The following NRXN1 variants were observed in gnomAD, a reference collection of about 807,000 sequenced individuals.
NRXN1 encodes the protein neurexin 1.
In NRXN1, 39 loss-of-function variants were observed where a neutral mutation model predicts 150.9. The observed-to-expected ratio is 0.26, with a 90% CI of 0.20 to 0.34. NRXN1 has a LOEUF of 0.34. Ranked by LOEUF, NRXN1 falls within the 10% of genes least tolerant of loss-of-function variation. The pLI, the probability that NRXN1 is intolerant of heterozygous loss-of-function variation, is 1.00. For synonymous variants in NRXN1, 924 were observed against 757.0 expected (o/e 1.22, Z -3.62); for missense variants, 1,815 against 1,949.9 (o/e 0.93, Z 1.30).
chr2:51,027,962 C>G lies in NRXN1; in HGVS notation c.312G>C (p.Leu104=). The G allele has an allele frequency of 6.2e-7, 1 of 1,602,476 alleles. No homozygotes were observed. The highest frequency in any genetic ancestry group is 8.5e-7 in the Non-Finnish European group (1 of 1,179,490). ...CGCCGTCGTTAACCGGCGTGTCGGC[C>G]AGGAGCGTCGCAGGCTCAGCGCAGA... The part of the protein sequence containing the change: ...SIFCAEPATL[L]ADTPVNDGAW... The change falls in exon 2 of 23, where the codon CTG becomes CTC. Residue 104 remains leucine (L), a synonymous_variant. Coordinates refer to ENST00000401669, the MANE Select transcript of NRXN1 (RefSeq NM_001330078.2).
chr2:50,197,814 C>T (rs989018521), intron 18 of NRXN1, among the ~76,000 whole-genome samples: 1 of 152,130 alleles, frequency 6.6e-6, no homozygotes, highest in Non-Finnish European at 1.5e-5. Context: ...TTGACACCTA[C>T]CAAAACCCTC....
chr2:50,266,574 T>C (rs61011011), intron 17 of NRXN1, among the ~76,000 whole-genome samples: 19 of 48,132 alleles, frequency 3.9e-4, no homozygotes, highest in Admixed American at 8.5e-4. Flanking sequence ...CACACACACA[T>C]ATTTTCTTTC....
At chr2:50,710,736 C>T (rs1397994359) in intron 5 of NRXN1, among the ~76,000 whole-genome samples, 1 of 152,134 alleles carries the variant, frequency 6.6e-6, no homozygotes, top group Non-Finnish European at 1.5e-5. Context: ...GCACACAGGG[C>T]AGAGCTGATA....
intron 8 of NRXN1, among the ~76,000 whole-genome samples, chr2:50,606,290 T>C (rs1481235986): frequency 7.0e-6 from 1 of 143,502 alleles, no homozygotes; most frequent in Non-Finnish European, 1.5e-5. Flanking sequence ...TCCTGCAATA[T>C]ATGTCAACAA....
At chr2:50,953,230 C>G (rs1457996436) in intron 2 of NRXN1, among the ~76,000 whole-genome samples, 2 of 152,144 alleles carry the variant, frequency 1.3e-5, no homozygotes, top group African/African-American at 2.4e-5. Flanking sequence ...TTATTGTAAC[C>G]TTAGGCAAAT....
At chr2:50,832,005 G>C (rs1195586780) in intron 5 of NRXN1, among the ~76,000 whole-genome samples, 2 of 152,160 alleles carry the variant, frequency 1.3e-5, no homozygotes, top group Non-Finnish European at 2.9e-5. Context: ...TGGTTTCCAA[G>C]TTTGGATGCC....
chr2:49,996,823 T>C (rs1406169291), intron 21 of NRXN1, among the ~76,000 whole-genome samples: 2 of 152,210 alleles, frequency 1.3e-5, no homozygotes, highest in Admixed American at 1.3e-4. Context: ...ATTTGTGCTG[T>C]TTTAAGCCAC....
intron 5 of NRXN1, among the ~76,000 whole-genome samples, chr2:50,658,045 C>A (rs1686745230): frequency 1.3e-5 from 2 of 151,962 alleles, no homozygotes; most frequent in Admixed American, 6.6e-5. Context: ...AATAAAGATA[C>A]AAGAATAACT....
At chr2:50,717,149 G>C (rs930988480) in intron 5 of NRXN1, among the ~76,000 whole-genome samples, 11 of 152,110 alleles carry the variant, frequency 7.2e-5, no homozygotes, top group African/African-American at 2.2e-4. Context: ...AGTACAGTAA[G>C]TACTTAATTC....
chr2:50,033,295 C>T (rs963762035), intron 21 of NRXN1, among the ~76,000 whole-genome samples: 3 of 151,956 alleles, frequency 2.0e-5, no homozygotes, highest in African/African-American at 7.2e-5. Flanking sequence ...ACCAACAGAA[C>T]AGAACAGAGA....
At chr2:50,101,496 A>C (rs1377233) in intron 18 of NRXN1, among the ~76,000 whole-genome samples, 35,299 of 151,934 alleles carry the variant, frequency 0.23, 4,308 homozygotes, top group East Asian at 0.31. Flanking sequence ...TAATGTTCCA[A>C]ATTTCCATAG....
chr2:50,951,607 A>G (rs988195503), intron 2 of NRXN1, among the ~76,000 whole-genome samples: 3 of 152,158 alleles, frequency 2.0e-5, no homozygotes, highest in Non-Finnish European at 4.4e-5. Context: ...TTTCAAAAAA[A>G]AATGTCACCA....
At chr2:50,357,301 TA>T (rs1459941998) in intron 17 of NRXN1, among the ~76,000 whole-genome samples, 26 of 143,550 alleles carry the variant, frequency 1.8e-4, no homozygotes, top group Non-Finnish European at 2.5e-4. Flanking sequence ...TTTATTTATT[TA>T]TTTTTTTTTT....
intron 9 of NRXN1, among the ~76,000 whole-genome samples, chr2:50,541,694 C>T (rs1403669587): frequency 6.6e-6 from 1 of 151,494 alleles, no homozygotes; most frequent in Non-Finnish European, 1.5e-5. Context: ...AACACACATC[C>T]ACCCACCCAC....
At chr2:50,628,472 T>C (rs1275818000) in intron 5 of NRXN1, among the ~76,000 whole-genome samples, 5 of 151,752 alleles carry the variant, frequency 3.3e-5, no homozygotes, top group African/African-American at 1.2e-4. Flanking sequence ...CTATGTTCTT[T>C]TTCATGAAAG....
chr2:50,758,793 C>T lies in NRXN1; in HGVS notation c.833-135178G>A, dbSNP rs139299380. On this transcript the variant is annotated intron_variant, in intron 5 of 22. Transcript: ENST00000401669. ...TAAAAATAACACCTTGGAGAGCTCTCACTCATCTATTCGCACCAACCTAAT... is the reference window on the plus strand; with the variant it reads ...TAAAAATAACACCTTGGAGAGCTCTTACTCATCTATTCGCACCAACCTAAT... Among the ~76,000 whole-genome samples the T allele has an allele frequency of 8.6e-5, 13 of 151,970 alleles. No individual in the cohort carries two copies. In the East Asian group the frequency reaches 2.5e-3, roughly 30 times the overall value.
At position 50,528,618 on chromosome 2, in the gene NRXN1, C is replaced by A; in HGVS notation, c.2374+7G>T. ...TAACATTTTAAAAATTTTGAATAGG[C>A]ACTTACTGGAATTACAGTTAATCCT... On this transcript the variant is annotated splice_region_variant and intron_variant, in intron 12 of 22. Coordinates refer to ENST00000401669, the MANE Select transcript of NRXN1 (RefSeq NM_001330078.2). 1 of 1,498,212 alleles carries A rather than the reference C, an allele frequency of 6.7e-7. No homozygotes were observed. Among genetic ancestry groups the A allele is most frequent in the Non-Finnish European group, 9.2e-7 (1 of 1,085,790 alleles). 92.8% of individuals were successfully genotyped at this position (1,498,212 alleles called of 1,614,324 possible).
intron 15 of NRXN1, among the ~76,000 whole-genome samples, chr2:50,472,795 TTGTG>T (rs113192574): frequency 1.3e-4 from 18 of 138,644 alleles, no homozygotes; most frequent in African/African-American, 2.9e-4. Context: ...CCCTACAGCC[TTGTG>T]TGTGTGTGTG....
At chr2:50,588,614 T>C (rs1673561240) in intron 8 of NRXN1, 2 of 152,298 alleles carry the variant, frequency 1.3e-5, no homozygotes, top group Middle Eastern at 3.4e-3. Context: ...CTTTTTGGAG[T>C]TTACCTAGTT....
Sources: gnomAD v4.1 joint callset for allele counts (sites outside exome capture counted in the v4.1 genomes callset) on GRCh38, gnomAD v4.1.1 for gene constraint, MANE v1.5 for transcripts, NCBI Gene and HGNC (gene_info 2026-07-23, HGNC 2026-07-21) for gene names.